The following DNAJC11 variants were observed in gnomAD, a reference collection of about 807,000 sequenced individuals.
The protein encoded by DNAJC11 is DnaJ heat shock protein family (Hsp40) member C11, also known as dnaJ homolog subfamily C member 11.
In DNAJC11, 15 loss-of-function variants were observed where a neutral mutation model predicts 78.6. That is an observed-to-expected ratio of 0.19 (90% CI 0.13 to 0.29). The LOEUF (loss-of-function observed/expected upper bound fraction) is 0.29, where lower values mean the gene tolerates loss of function less well. Among genes scored for constraint, DNAJC11 ranks in the 10% least tolerant of loss-of-function variants. The probability of loss-of-function intolerance (pLI) is 1.00; values close to 1 mark genes in which losing one functional copy is unlikely to be tolerated. For synonymous variants in DNAJC11, 292 were observed against 272.1 expected (o/e 1.07, Z -0.72); for missense variants, 547 against 709.6 (o/e 0.77, Z 2.60).
intron 1 of DNAJC11, among the ~76,000 whole-genome samples, chr1:6,690,760 C>T (rs1038146129): frequency 1.3e-5 from 2 of 151,998 alleles, no homozygotes; most frequent in Admixed American, 6.6e-5. Flanking sequence ...CCGTCTCTAC[C>T]AAAAATACAA....
At chr1:6,686,078 C>T (rs982552161) in intron 1 of DNAJC11, among the ~76,000 whole-genome samples, 1 of 152,192 alleles carries the variant, frequency 6.6e-6, no homozygotes, top group African/African-American at 2.4e-5. Flanking sequence ...TACTGAAATA[C>T]ATTTGTATTT....
rs1000659850 is a variant in DNAJC11 at position 6,653,436 on chromosome 1, T to C, written c.507+475A>G. Among the ~76,000 whole-genome samples, 3 of 152,192 alleles carry C rather than the reference T, an allele frequency of 2.0e-5. No individual in the cohort carries two copies. Among genetic ancestry groups the C allele is most frequent in the African/African-American group, 7.2e-5 (3 of 41,448 alleles). On this transcript the variant is annotated intron_variant, in intron 5 of 15. Coordinates refer to ENST00000377577, the MANE Select transcript of DNAJC11 (RefSeq NM_018198.4). This position sits in a 1 kb window ranked among gnomAD's most constrained non-coding sequence, Gnocchi z 4.5. Reference sequence around the variant, plus strand: ...ATGAGCTGAGGAGACAAAGACCTACTATAAACGCTCAGGAGAATGACCTGA... The same window carrying C: ...ATGAGCTGAGGAGACAAAGACCTACCATAAACGCTCAGGAGAATGACCTGA...
At chr1:6,648,097 AC>A in intron 7 of DNAJC11, among the ~76,000 whole-genome samples, 1 of 152,274 alleles carries the variant, frequency 6.6e-6, no homozygotes, top group East Asian at 1.9e-4. Context: ...CTTAAGAATC[AC>A]CTGGGGCGCT....
At chr1:6,689,069 G>C (rs1212667784) in intron 1 of DNAJC11, among the ~76,000 whole-genome samples, 1 of 152,166 alleles carries the variant, frequency 6.6e-6, no homozygotes, top group East Asian at 1.9e-4. Context: ...ATGGAGCCAA[G>C]GAGTTTGACC....
Position 6,648,549 on chromosome 1 carries a change from T to G in DNAJC11, c.705-2571A>C, listed in dbSNP as rs140948023. ...ATGGCTCACTGCAGCCTCGACCTCCTGGCCTCAAGCGATCCTCCCACCTCA... is the reference window on the plus strand; with the variant it reads ...ATGGCTCACTGCAGCCTCGACCTCCGGGCCTCAAGCGATCCTCCCACCTCA... On this transcript the variant is annotated intron_variant, in intron 7 of 15. Transcript: ENST00000377577. 3.0e-3 allele frequency among the ~76,000 whole-genome samples: 459 copies of G among 152,148 alleles called. 1 individual carries two copies. The highest frequency in any genetic ancestry group is 0.01 in the African/African-American group (416 of 41,496).
intron 10 of DNAJC11, among the ~76,000 whole-genome samples, chr1:6,642,484 T>C (rs1641892929): frequency 6.6e-6 from 1 of 152,010 alleles, no homozygotes; most frequent in Admixed American, 6.6e-5. Context: ...GAGAAAGAGA[T>C]CGAGGCTGAC....
intron 1 of DNAJC11, among the ~76,000 whole-genome samples, chr1:6,695,072 G>A (rs1317844790): frequency 2.0e-5 from 3 of 150,148 alleles, no homozygotes; most frequent in Admixed American, 1.3e-4. Context: ...CGTGAACCCA[G>A]ATGGCAGAGC....
At chr1:6,662,133 T>TG (rs1471446490) in intron 4 of DNAJC11, among the ~76,000 whole-genome samples, 94 of 146,864 alleles carry the variant, frequency 6.4e-4, no homozygotes, top group African/African-American at 2.3e-3. Flanking sequence ...TTTTTGTTTT[T>TG]TGTTTTTTTT....
chr1:6,694,421 C>T (rs1642799648), intron 1 of DNAJC11, among the ~76,000 whole-genome samples: 1 of 152,154 alleles, frequency 6.6e-6, no homozygotes, highest in Non-Finnish European at 1.5e-5. Flanking sequence ...AGGGGGACCC[C>T]TGCCCTTGCT....
intron 14 of DNAJC11, 143 bp downstream of exon 14, chr1:6,637,055 G>T: frequency 9.4e-7 from 1 of 1,065,162 alleles, no homozygotes; most frequent in Non-Finnish European, 1.4e-6. Flanking sequence ...TTGCCATGTT[G>T]CCTAGGCTGA....
In DNAJC11 at chr1:6,654,030, T is replaced by C; in HGVS notation, c.388A>G (p.Ser130Gly). ...AGGTCGGTGGCATCTACTCCAACGCTGATCGTTCCCTGGGGCAGAAAAACA... is the reference window on the plus strand; with the variant it reads ...AGGTCGGTGGCATCTACTCCAACGCCGATCGTTCCCTGGGGCAGAAAAACA... ...QQRTNPKGTI[S>G]VGVDATDLFD... is the part of the protein sequence containing the mutation. The change falls in exon 5 of 16, where the codon AGC (serine) becomes GGC (glycine). Residue 130 changes from serine to glycine, a missense_variant. Physicochemically the swap from Ser to Gly is moderately conservative, Grantham distance 56. Coordinates refer to ENST00000377577, the MANE Select transcript of DNAJC11 (RefSeq NM_018198.4). The C allele has an allele frequency of 1.2e-6, 2 of 1,612,228 alleles. No homozygotes were observed. Among genetic ancestry groups the C allele is most frequent in the Non-Finnish European group, 8.5e-7 (1 of 1,178,586 alleles).
Position 6,635,111 on chromosome 1 carries a change from C to T in DNAJC11, c.*564G>A, listed in dbSNP as rs541691726. 5.7e-5 allele frequency: 10 copies of T among 174,672 alleles called. No individual in the cohort carries two copies. The East Asian group carries it at 5.9e-4, about 10-fold the overall frequency. The allele number at this position is 174,672 out of a possible 1,614,324, so 10.8% of individuals were successfully genotyped here. A position where few individuals can be genotyped will look rare whatever the true frequency, so the allele number is the denominator to read the frequency against. On this transcript the variant is annotated 3_prime_UTR_variant, in exon 16 of 16. Coordinates refer to ENST00000377577, the MANE Select transcript of DNAJC11 (RefSeq NM_018198.4). Reference sequence around the variant, plus strand: ...AAAAAAGACGACTAATTTCCAAACCCGTTTGTTCTCAGATAAAAAGCAGTT... The same window carrying T: ...AAAAAAGACGACTAATTTCCAAACCTGTTTGTTCTCAGATAAAAAGCAGTT...
intron 3 of DNAJC11, among the ~76,000 whole-genome samples, chr1:6,672,879 A>T (rs143588184): frequency 5.8e-4 from 89 of 152,318 alleles, no homozygotes; most frequent in Non-Finnish European, 1.1e-3. Flanking sequence ...CATGCAGCTC[A>T]TGAATCCATA....
At chr1:6,694,809 CAAAAAAA>C (rs754185823) in intron 1 of DNAJC11, among the ~76,000 whole-genome samples, 36 of 114,128 alleles carry the variant, frequency 3.2e-4, no homozygotes, top group African/African-American at 1.1e-3. Context: ...ACTAAAAATA[CAAAAAAA>C]AAAAAAAAAT....
In DNAJC11 at chr1:6,667,865, C is replaced by T. The variant is rs114473801; in HGVS notation, c.277-55G>A. ...TTGAGGACCCAGGAGGTAAGGGAAA[C>T]GTACACAAAGAGCTGCAGCCATTGA... On this transcript the variant is annotated intron_variant, in intron 3 of 15. Transcript: ENST00000377577. The T allele has an allele frequency of 2.2e-3, 3,350 of 1,522,668 alleles. 6 individuals carry two copies. Among genetic ancestry groups the T allele is most frequent in the Non-Finnish European group, 2.9e-3 (3,210 of 1,099,076 alleles). The allele number at this position is 1,522,668 out of a possible 1,614,324, so 94.3% of individuals were successfully genotyped here.
intron 4 of DNAJC11, among the ~76,000 whole-genome samples, chr1:6,657,786 A>G (rs921004925): frequency 2.6e-5 from 4 of 152,072 alleles, no homozygotes; most frequent in African/African-American, 9.7e-5. Flanking sequence ...CTGGGACTAC[A>G]GGCGCCTGCC....
intron 10 of DNAJC11, among the ~76,000 whole-genome samples, chr1:6,643,437 G>A (rs1396711824): frequency 6.6e-6 from 1 of 151,852 alleles, no homozygotes; most frequent in Non-Finnish European, 1.5e-5. Flanking sequence ...CACCACGCCC[G>A]GTTAATTTTT....
intron 6 of DNAJC11, among the ~76,000 whole-genome samples, chr1:6,651,916 A>ACCCCCCCC (rs1642059768): frequency 6.7e-6 from 1 of 149,474 alleles, no homozygotes; most frequent in African/African-American, 2.5e-5. Context: ...GGCTCCCCCT[A>ACCCCCCCC]CCCCTCCCGG....
intron 1 of DNAJC11, among the ~76,000 whole-genome samples, chr1:6,695,627 TAAAAAAAAAAAAAAAA>T (rs70984004): frequency 1.2e-5 from 1 of 83,004 alleles, no homozygotes; most frequent in South Asian, 5.0e-4. Flanking sequence ...CTATCTCTAC[TAAAAAAAAAAAAAAAA>T]AAAAAAAAAA....
Sources: gnomAD v4.1 joint callset for allele counts (sites outside exome capture counted in the v4.1 genomes callset) on GRCh38, gnomAD v4.1.1 for gene constraint, Gnocchi (gnomAD v3.1) non-coding constraint, MANE v1.5 for transcripts, NCBI Gene and HGNC (gene_info 2026-07-23, HGNC 2026-07-21) for gene names.